The following CRYBG3 variants were observed in gnomAD, a reference collection of about 807,000 sequenced individuals.
CRYBG3 encodes the protein crystallin beta-gamma domain containing 3, also known as very large A-kinase anchor protein.
Under a neutral mutation model 244.2 loss-of-function variants are expected in CRYBG3, and 127 were observed. The ratio of observed to expected loss-of-function variants is 0.52; its 90% CI spans 0.45 to 0.60. CRYBG3 has a LOEUF of 0.60. Among genes scored for constraint, CRYBG3 ranks in the 20% least tolerant of loss-of-function variants. The pLI, the probability that CRYBG3 is intolerant of heterozygous loss-of-function variation, is 0.00. For synonymous variants in CRYBG3, 1,132 were observed against 1,195.8 expected, an observed-to-expected ratio of 0.95 and a Z score of 1.10; for missense variants, 3,325 against 3,442.5, an observed-to-expected ratio of 0.97 and a Z score of 0.85.
chr3:97,877,075 C>G lies in CRYBG3; in HGVS notation c.5881C>G (p.Leu1961Val). The change falls in exon 4 of 22, where the codon CTA becomes GTA. Residue 1961 changes from leucine to valine, a missense_variant. This residue lies in a region of CRYBG3 where 450 missense variants were observed against 424.1 expected (regional missense o/e 1.06). Coordinates refer to ENST00000389622, the MANE Select transcript of CRYBG3 (RefSeq NM_153605.4). ...DFQPGDTTVR[L>V]DKRMSLTAIY... ...TCAACCTGGGGATACCACAGTAAGACTAGACAAAAGAATGTCTCTTACTGC... is the reference window on the plus strand; with the variant it reads ...TCAACCTGGGGATACCACAGTAAGAGTAGACAAAAGAATGTCTCTTACTGC... 6.2e-7 allele frequency: 1 copy of G among 1,610,014 alleles called. No homozygotes were observed. The highest frequency in any genetic ancestry group is 2.2e-5 in the East Asian group (1 of 44,818).
chr3:97,848,605 T>A lies in CRYBG3; in HGVS notation c.216+5344T>A, dbSNP rs145162409. Among the ~76,000 whole-genome samples the A allele has an allele frequency of 4.5e-3, 680 of 152,290 alleles. 2 individuals carry two copies. The highest frequency in any genetic ancestry group is 0.015 in the African/African-American group (619 of 41,566). The stretch of plus-strand genomic sequence containing the variant: ...CATGAGCCACTGCACCCAGCCTGTT[T>A]GTTTTCTAACAGACAGGTCTTGCTA... On this transcript the variant is annotated intron_variant, in intron 2 of 21. Coordinates refer to ENST00000389622, the MANE Select transcript of CRYBG3 (RefSeq NM_153605.4).
chr3:97,895,874 A>C, intron 11 of CRYBG3, 85 bp from the exon 12 acceptor site: 2 of 1,266,732 alleles, frequency 1.6e-6, no homozygotes, highest in Non-Finnish European at 2.2e-6. Context: ...ATGAACCACT[A>C]TGAGCTTTAT....
intron 14 of CRYBG3, among the ~76,000 whole-genome samples, chr3:97,899,554 T>A (rs2039680229): frequency 6.6e-6 from 1 of 152,182 alleles, no homozygotes; most frequent in Non-Finnish European, 1.5e-5. Flanking sequence ...AATAAGACTG[T>A]CCTGATGGTT....
chr3:97,832,510 A>G (rs143200941), intron 1 of CRYBG3, among the ~76,000 whole-genome samples: 1,818 of 152,306 alleles, frequency 0.012, 24 homozygotes, highest in African/African-American at 0.041. Flanking sequence ...AAAACTGGCT[A>G]GCCACATGCA....
chr3:97,904,670 A>AAT (rs2039745358), intron 15 of CRYBG3, among the ~76,000 whole-genome samples: 1 of 146,930 alleles, frequency 6.8e-6, no homozygotes, highest in Non-Finnish European at 1.5e-5. Flanking sequence ...TTTTATTTTT[A>AAT]TTTTTTTTAT....
At chr3:97,825,285 G>T (rs944138347) in intron 1 of CRYBG3, among the ~76,000 whole-genome samples, 1 of 152,198 alleles carries the variant, frequency 6.6e-6, no homozygotes, top group Non-Finnish European at 1.5e-5. Flanking sequence ...GCCTTTATCT[G>T]CTTCAAGAAA....
At chr3:97,899,323 T>G (rs1245562244) in intron 14 of CRYBG3, 60 bp downstream of exon 14, 1 of 1,529,758 alleles carries the variant, frequency 6.5e-7, no homozygotes, top group Non-Finnish European at 8.8e-7. Context: ...ATTAAATATG[T>G]GGAAAACACT....
At chr3:97,918,619 A>G (rs958234878) in intron 17 of CRYBG3, among the ~76,000 whole-genome samples, 1 of 152,218 alleles carries the variant, frequency 6.6e-6, no homozygotes, top group Non-Finnish European at 1.5e-5. Flanking sequence ...ATCATGTATT[A>G]GCTTTCACAA....
intron 15 of CRYBG3, among the ~76,000 whole-genome samples, chr3:97,901,049 A>G (rs1455524834): frequency 1.3e-5 from 2 of 152,198 alleles, no homozygotes; most frequent in Non-Finnish European, 2.9e-5. Flanking sequence ...TCAGAAGTCC[A>G]TAAGGTCAGT....
At chr3:97,897,788 A>G (rs2039656420) in intron 12 of CRYBG3, among the ~76,000 whole-genome samples, 1 of 152,222 alleles carries the variant, frequency 6.6e-6, no homozygotes, top group South Asian at 2.1e-4. Context: ...TTAATTCAAA[A>G]AGGAATTACA....
intron 15 of CRYBG3, among the ~76,000 whole-genome samples, chr3:97,903,145 A>G (rs546579584): frequency 6.6e-6 from 1 of 152,306 alleles, no homozygotes; most frequent in South Asian, 2.1e-4. Context: ...GATTCTCACC[A>G]AGAAAAGCAA....
chr3:97,895,213 A>G (rs1363513324), intron 11 of CRYBG3, among the ~76,000 whole-genome samples: 1 of 152,176 alleles, frequency 6.6e-6, no homozygotes, highest in Non-Finnish European at 1.5e-5. Flanking sequence ...AACTTGTTTT[A>G]TGAGCCATCT....
chr3:97,913,415 C>G (rs1424292028), intron 16 of CRYBG3, among the ~76,000 whole-genome samples: 2 of 152,204 alleles, frequency 1.3e-5, no homozygotes, highest in African/African-American at 2.4e-5. Context: ...TCCACAGGCT[C>G]TGTCCCAGCT....
intron 15 of CRYBG3, among the ~76,000 whole-genome samples, chr3:97,906,223 T>C: frequency 7.4e-6 from 1 of 134,404 alleles, no homozygotes; most frequent in African/African-American, 2.6e-5. Context: ...GACTTCGCAA[T>C]GCGGGCTCTT....
intron 7 of CRYBG3, among the ~76,000 whole-genome samples, chr3:97,883,882 A>G (rs756546540): frequency 6.6e-6 from 1 of 152,154 alleles, no homozygotes; most frequent in African/African-American, 2.4e-5. Context: ...TCCCTATTCT[A>G]TGCCAACTTT....
At chr3:97,847,064 G>A (rs13060309) in intron 2 of CRYBG3, among the ~76,000 whole-genome samples, 32,987 of 151,972 alleles carry the variant, frequency 0.22, 4,115 homozygotes, top group Middle Eastern at 0.3. Context: ...GGGGAAAGCT[G>A]CCACACACTT....
At chr3:97,935,644 T>G (rs542997097) in intron 18 of CRYBG3, among the ~76,000 whole-genome samples, 1 of 152,178 alleles carries the variant, frequency 6.6e-6, no homozygotes, top group African/African-American at 2.4e-5. Flanking sequence ...CTAAGGAATA[T>G]TGCACTTTGT....
chr3:97,914,242 G>C (rs889755627), intron 16 of CRYBG3, among the ~76,000 whole-genome samples: 1 of 152,022 alleles, frequency 6.6e-6, no homozygotes, highest in Non-Finnish European at 1.5e-5. Flanking sequence ...GTTAAATAGA[G>C]ATCTGCAACT....
rs1348681105 is a variant in CRYBG3, at chr3:97,834,004, CAG to C, written c.150-9188_150-9187del. 2.0e-5 allele frequency among the ~76,000 whole-genome samples: 3 copies of C among 152,120 alleles called. No individual in the cohort carries two copies. In the East Asian group the frequency reaches 5.8e-4, roughly 29 times the overall value. On this transcript the variant is annotated intron_variant, in intron 1 of 21. Transcript: ENST00000389622. ...TAACAGCCAGTTTTCCTGGAACTAA[CAG>C]AGTGAAAAATCACTCACCACCACTC...
Sources: allele counts gnomAD v4.1 joint callset (sites outside exome capture counted in the v4.1 genomes callset), GRCh38; gene constraint gnomAD v4.1.1; regional missense constraint gnomAD v4.1.1; transcripts MANE v1.5; gene names NCBI Gene and HGNC (gene_info 2026-07-23, HGNC 2026-07-21).